The following FNBP1L variants were observed in gnomAD, a reference collection of about 807,000 sequenced individuals.
The protein encoded by FNBP1L is formin binding protein 1 like.
A neutral mutation model predicts 91.2 loss-of-function variants in FNBP1L; 36 were observed. The observed-to-expected ratio is 0.39, with a 90% CI of 0.30 to 0.52. The LOEUF is 0.52. Ranked by LOEUF, FNBP1L falls within the 20% of genes least tolerant of loss-of-function variation. The pLI is 0.66. For missense variants in FNBP1L, 571 were observed against 732.1 expected, an observed-to-expected ratio of 0.78 and a Z score of 2.54; for synonymous variants, 242 against 237.0, an observed-to-expected ratio of 1.02 and a Z score of -0.19.
chr1:93,507,091 ACACACACACACACACACTCT>A (rs1557797928), intron 2 of FNBP1L, among the ~76,000 whole-genome samples: 126 of 129,828 alleles, frequency 9.7e-4, no homozygotes, highest in African/African-American at 2.6e-3. Flanking sequence ...ACACACACAC[ACACACACACACACACACTCT>A]CTCTCTCTCT....
chr1:93,472,700 T>C (rs1182289436), intron 1 of FNBP1L, among the ~76,000 whole-genome samples: 1 of 151,204 alleles, frequency 6.6e-6, no homozygotes, highest in African/African-American at 2.4e-5. Context: ...TAGTTCCAGC[T>C]ACTCGGGAGG....
chr1:93,535,150 G>A lies in FNBP1L; in HGVS notation c.990+242G>A, dbSNP rs565398423. Among the ~76,000 whole-genome samples the A allele has an allele frequency of 4.9e-4, 74 of 152,130 alleles. 1 individual carries two copies. Among genetic ancestry groups the A allele is most frequent in the Middle Eastern group, 3.4e-3 (1 of 294 alleles). ...AACAAAGTTGTTAATATCTAGTTAA[G>A]TTATATGCTTTTGAAGTTTCATTTG... On this transcript the variant is annotated intron_variant, in intron 9 of 16. Coordinates refer to ENST00000271234, the MANE Select transcript of FNBP1L (RefSeq NM_001164473.3).
chr1:93,544,227 T>G lies in FNBP1L; in HGVS notation c.1274+11T>G, dbSNP rs768074233. ...AGAATCAGACCAAAAGTATTATTCC[T>G]TTAAGTTTTCTCTATCATTATTATT... On this transcript the variant is annotated intron_variant, in intron 12 of 16. Transcript: ENST00000271234. 1.3e-6 allele frequency: 2 copies of G among 1,579,770 alleles called. No individual in the cohort carries two copies. The highest frequency in any genetic ancestry group is 3.4e-5 in the Admixed American group (2 of 58,406).
chr1:93,540,015 A>G (rs1050779735), intron 10 of FNBP1L, among the ~76,000 whole-genome samples: 1 of 152,136 alleles, frequency 6.6e-6, no homozygotes, highest in East Asian at 1.9e-4. Context: ...ACTAATTGAG[A>G]TGAATGTGAA....
rs1671852390 is a variant in FNBP1L, at chr1:93,536,406, C to G, written c.1065C>G (p.Phe355Leu). ...CTAATGGGTCCCAGTTTCTCACATT[C>G]TCCATTGAGCCCGTGCATTATTGTA... ...STPNGSQFLT[F>L]SIEPVHYCMN... Residue 355 changes from phenylalanine (F) to leucine (L), a missense_variant, in exon 10 of 17, where the codon TTC becomes TTG. Phe to Leu is a conservative substitution (Grantham distance 22, BLOSUM62 0). Coordinates refer to ENST00000271234, the MANE Select transcript of FNBP1L (RefSeq NM_001164473.3). The G allele has an allele frequency of 6.4e-7, 1 of 1,550,788 alleles. No homozygotes were observed. The highest frequency in any genetic ancestry group is 1.4e-5 in the African/African-American group (1 of 72,974).
At chr1:93,503,748 T>G (rs980708874) in intron 2 of FNBP1L, among the ~76,000 whole-genome samples, 1 of 152,220 alleles carries the variant, frequency 6.6e-6, no homozygotes, top group African/African-American at 2.4e-5. Flanking sequence ...TGCAAAGATA[T>G]GCAACTGAAA....
At chr1:93,508,661 A>G (rs768915840) in intron 2 of FNBP1L, among the ~76,000 whole-genome samples, 2 of 152,256 alleles carry the variant, frequency 1.3e-5, no homozygotes, top group Non-Finnish European at 2.9e-5. Flanking sequence ...CTCTTGTGTT[A>G]CATGTGCTCT....
intron 2 of FNBP1L, among the ~76,000 whole-genome samples, chr1:93,518,692 C>G (rs1319615905): frequency 6.6e-6 from 1 of 152,164 alleles, no homozygotes; most frequent in South Asian, 2.1e-4. Context: ...CACTCCTCCT[C>G]CTATAGAAGC....
At chr1:93,535,188 A>G (rs778795633) in intron 9 of FNBP1L, among the ~76,000 whole-genome samples, 1 of 152,130 alleles carries the variant, frequency 6.6e-6, no homozygotes, top group Non-Finnish European at 1.5e-5. Flanking sequence ...TGTAGTTTCC[A>G]TCAGAATTTT....
rs958217019 is a variant in FNBP1L at position 93,551,055 on chromosome 1, G to C, written c.1760G>C (p.Gly587Ala). 4.3e-6 allele frequency: 7 copies of C among 1,612,772 alleles called. No homozygotes were observed. The highest frequency in any genetic ancestry group is 5.9e-6 in the Non-Finnish European group (7 of 1,179,236). ...GCTCGGAGACAGAACGGTGAAGAAG[G>C]CTACGTTCCCACGTCATACATAGAT... The part of the protein sequence containing the change: ...TRARRQNGEE[G>A]YVPTSYIDVT... The change falls in exon 16 of 17, where the codon GGC (glycine) becomes GCC (alanine). Residue 587 changes from glycine (G) to alanine (A), a missense_variant. By Grantham distance (60) the Gly-to-Ala change is moderately conservative. Coordinates refer to ENST00000271234, the MANE Select transcript of FNBP1L (RefSeq NM_001164473.3).
intron 1 of FNBP1L, among the ~76,000 whole-genome samples, chr1:93,463,869 CT>C (rs1282692496): frequency 3.9e-5 from 6 of 152,158 alleles, no homozygotes; most frequent in Admixed American, 6.5e-5. Context: ...ATTTTACATT[CT>C]TTCCTGAGAT....
chr1:93,549,441 A>G lies in FNBP1L; in HGVS notation c.1651+15A>G. 2 of 1,533,746 alleles carry G rather than the reference A, an allele frequency of 1.3e-6. No homozygotes were observed. Among genetic ancestry groups the G allele is most frequent in the Non-Finnish European group, 1.7e-6 (2 of 1,145,212 alleles). ...CCCTTTTGATGGTATGATTTTCTTA[A>G]TAATATTGTATGTAAAAAAATTGGT... On this transcript the variant is annotated intron_variant, in intron 15 of 16. Coordinates refer to ENST00000271234, the MANE Select transcript of FNBP1L (RefSeq NM_001164473.3).
At chr1:93,484,694 G>C (rs961252126) in intron 1 of FNBP1L, among the ~76,000 whole-genome samples, 1 of 152,174 alleles carries the variant, frequency 6.6e-6, no homozygotes, top group Non-Finnish European at 1.5e-5. Flanking sequence ...TTGAGAATCT[G>C]AGCAAAGGCT....
At position 93,448,139 on chromosome 1, in the gene FNBP1L, T is replaced by G; in HGVS notation, c.-143T>G. ...CTCCAGTCGCGTCTTTCTCACTCAC[T>G]GGGGAGCCCGGCGGTGGCGGCACCT... On this transcript the variant is annotated 5_prime_UTR_variant, in exon 1 of 17. Transcript: ENST00000271234. The G allele has an allele frequency of 2.8e-6, 3 of 1,059,254 alleles. No individual in the cohort carries two copies. Among genetic ancestry groups the G allele is most frequent in the South Asian group, 3.1e-5 (2 of 65,144 alleles). The allele number at this position is 1,059,254 out of a possible 1,614,324, so 65.6% of individuals were successfully genotyped here. A position where few individuals can be genotyped will look rare whatever the true frequency, so the allele number is the denominator to read the frequency against.
intron 8 of FNBP1L, among the ~76,000 whole-genome samples, chr1:93,534,022 G>C (rs1671766874): frequency 6.6e-6 from 1 of 152,088 alleles, no homozygotes; most frequent in Admixed American, 6.5e-5. Flanking sequence ...AAAATAATGA[G>C]TTTAAGGTAT....
At chr1:93,505,632 T>C (rs1002364416) in intron 2 of FNBP1L, among the ~76,000 whole-genome samples, 2 of 152,238 alleles carry the variant, frequency 1.3e-5, no homozygotes, top group Non-Finnish European at 2.9e-5. Flanking sequence ...TAAAGTAATG[T>C]TGATTTCCTT....
intron 1 of FNBP1L, among the ~76,000 whole-genome samples, chr1:93,459,940 G>GGTGTGTGTGTGT (rs1557773915): frequency 3.6e-5 from 2 of 54,830 alleles, no homozygotes; most frequent in Non-Finnish European, 8.6e-5. Context: ...TTGGATTTCA[G>GGTGTGTGTGTGT]ATGTGTGTGT....
intron 2 of FNBP1L, among the ~76,000 whole-genome samples, chr1:93,516,508 G>A (rs189802437): frequency 2.6e-5 from 4 of 152,202 alleles, no homozygotes; most frequent in Admixed American, 6.5e-5. Context: ...TAAACTGAAA[G>A]GGAACACTTG....
chr1:93,461,924 G>A (rs895315638), intron 1 of FNBP1L, among the ~76,000 whole-genome samples: 1 of 152,196 alleles, frequency 6.6e-6, no homozygotes, highest in Non-Finnish European at 1.5e-5. Flanking sequence ...TAAGAGGCCT[G>A]TTAGTGAAGG....
Sources: gnomAD v4.1 joint callset for allele counts (sites outside exome capture counted in the v4.1 genomes callset) on GRCh38, gnomAD v4.1.1 for gene constraint, MANE v1.5 for transcripts, NCBI Gene and HGNC (gene_info 2026-07-23, HGNC 2026-07-21) for gene names.